The following PARD3B variants were observed in gnomAD, a reference collection of about 807,000 sequenced individuals.
PARD3B encodes the protein partitioning defective 3 homolog B.
A neutral mutation model predicts 130.2 loss-of-function variants in PARD3B; 103 were observed. That is an observed-to-expected ratio of 0.79 (90% CI 0.67 to 0.93). PARD3B has a LOEUF of 0.93. PARD3B is among the 40% of genes least tolerant of loss of function. The pLI is 0.00. For missense variants in PARD3B, 1,609 were observed against 1,499.2 expected, an observed-to-expected ratio of 1.07 and a Z score of -1.21; for synonymous variants, 583 against 553.2, an observed-to-expected ratio of 1.05 and a Z score of -0.76.
intron 2 of PARD3B, among the ~76,000 whole-genome samples, chr2:204,847,786 T>A (rs923941107): frequency 2.2e-4 from 33 of 152,200 alleles, no homozygotes; most frequent in Middle Eastern, 6.8e-3. Flanking sequence ...TGCTAAAGAG[T>A]CATTGTCAAG....
intron 15 of PARD3B, among the ~76,000 whole-genome samples, chr2:205,207,513 C>T (rs1420184003): frequency 2.1e-5 from 3 of 142,778 alleles, no homozygotes; most frequent in East Asian, 2.0e-4. Context: ...CAAATAGATG[C>T]GATAAAAAAT....
chr2:205,322,874 T>A, intron 18 of PARD3B, among the ~76,000 whole-genome samples: 1 of 144,562 alleles, frequency 6.9e-6, no homozygotes, highest in Non-Finnish European at 1.5e-5. Flanking sequence ...TGTTGTTATA[T>A]CATTATTAAC....
At chr2:205,401,226 AG>A in intron 19 of PARD3B, 103 bp downstream of exon 19, 1 of 911,904 alleles carries the variant, frequency 1.1e-6, no homozygotes, top group Non-Finnish European at 1.7e-6. Context: ...TAAGAAGTAT[AG>A]GGGTTGACCG....
At chr2:204,740,746 A>G (rs1324357991) in intron 2 of PARD3B, among the ~76,000 whole-genome samples, 1 of 152,216 alleles carries the variant, frequency 6.6e-6, no homozygotes, top group East Asian at 1.9e-4. Context: ...TCCTCAGAGC[A>G]TGGTGACACC....
rs1235860625 is a variant in PARD3B, at chr2:205,349,574, AGGAAGTAGT to A, written c.2630+47876_2630+47884del. Reference sequence around the variant, plus strand: ...TTAAACTAAATTTAAAAAATAAAAAAGGAAGTAGTGGTTATTAATTATTTATTTGCATTT... The same window carrying A: ...TTAAACTAAATTTAAAAAATAAAAAAGGTTATTAATTATTTATTTGCATTT... On this transcript the variant is annotated intron_variant, in intron 18 of 22. Coordinates refer to ENST00000406610, the MANE Select transcript of PARD3B (RefSeq NM_001302769.2). 2.6e-5 allele frequency among the ~76,000 whole-genome samples: 4 copies of A among 152,204 alleles called. 1 individual carries two copies. The highest frequency in any genetic ancestry group is 9.6e-5 in the African/African-American group (4 of 41,462).
rs75322363 is a variant in PARD3B at position 205,432,534 on chromosome 2, T to C, written c.2742-7836T>C. On this transcript the variant is annotated intron_variant, in intron 19 of 22. Coordinates refer to ENST00000406610, the MANE Select transcript of PARD3B (RefSeq NM_001302769.2). The stretch of plus-strand genomic sequence containing the variant: ...ACATGCCTGCCTCAGGGGCTTTATA[T>C]CTGCTGTCTCTCTACCTGGAACACT... 5.3e-5 allele frequency among the ~76,000 whole-genome samples: 8 copies of C among 152,322 alleles called. No homozygotes were observed. In the East Asian group the frequency reaches 1.5e-3, roughly 29 times the overall value.
At chr2:204,869,954 C>T (rs2045569790) in intron 2 of PARD3B, among the ~76,000 whole-genome samples, 1 of 152,160 alleles carries the variant, frequency 6.6e-6, no homozygotes, top group African/African-American at 2.4e-5. Flanking sequence ...TCTGTTACCT[C>T]AGCCACTGGT....
chr2:205,346,905 C>G (rs965237160), intron 18 of PARD3B, among the ~76,000 whole-genome samples: 1 of 152,106 alleles, frequency 6.6e-6, no homozygotes, highest in African/African-American at 2.4e-5. Flanking sequence ...GCGCCATTAT[C>G]CTAATGGCTA....
chr2:204,846,589 A>T (rs1388720393), intron 2 of PARD3B, among the ~76,000 whole-genome samples: 1 of 151,296 alleles, frequency 6.6e-6, no homozygotes. Flanking sequence ...TTAGTGTCTT[A>T]TAAGAAGAGT....
At chr2:205,553,158 C>CTTGA (rs1166341148) in intron 21 of PARD3B, among the ~76,000 whole-genome samples, 166 bp from the exon 22 acceptor site, 1 of 152,176 alleles carries the variant, frequency 6.6e-6, no homozygotes, top group Non-Finnish European at 1.5e-5. Context: ...ATGTTTGTGG[C>CTTGA]TTGATCATCA....
chr2:204,810,303 G>A (rs2042919434), intron 2 of PARD3B, among the ~76,000 whole-genome samples: 1 of 152,086 alleles, frequency 6.6e-6, no homozygotes, highest in Non-Finnish European at 1.5e-5. Flanking sequence ...TGATAAGATA[G>A]GGCATTCTTG....
At chr2:205,582,943 C>T (rs2054046499) in intron 22 of PARD3B, among the ~76,000 whole-genome samples, 1 of 152,036 alleles carries the variant, frequency 6.6e-6, no homozygotes, top group African/African-American at 2.4e-5. Flanking sequence ...ATTGAACTGG[C>T]CATTCTCAGA....
In PARD3B at chr2:205,590,386, T is replaced by C. The variant is rs1019689294; in HGVS notation, c.3261-25070T>C. 2.0e-5 allele frequency among the ~76,000 whole-genome samples: 3 copies of C among 150,782 alleles called. No individual in the cohort carries two copies. The highest frequency in any genetic ancestry group is 2.0e-4 in the Admixed American group (3 of 15,152). ...CCACAGCATCAGGCTTACTTCCCCC[T>C]CTTCTCAGCTACTCCACAAAAGAGG... On this transcript the variant is annotated intron_variant, in intron 22 of 22. Coordinates refer to ENST00000406610, the MANE Select transcript of PARD3B (RefSeq NM_001302769.2). This position sits in a 1 kb window ranked among gnomAD's most constrained non-coding sequence, Gnocchi z 4.1.
intron 4 of PARD3B, among the ~76,000 whole-genome samples, chr2:205,065,637 A>G (rs1004719267): frequency 6.6e-6 from 1 of 152,214 alleles, no homozygotes; most frequent in South Asian, 2.1e-4. Context: ...TTCTGGTGGT[A>G]GTAACTGAGT....
chr2:205,093,316 G>T (rs1702218690), intron 4 of PARD3B, among the ~76,000 whole-genome samples: 1 of 152,160 alleles, frequency 6.6e-6, no homozygotes, highest in Non-Finnish European at 1.5e-5. Context: ...CTAAGTGACA[G>T]GGATACCAAG....
At chr2:205,399,814 C>T (rs1203907298) in intron 18 of PARD3B, among the ~76,000 whole-genome samples, 2 of 152,178 alleles carry the variant, frequency 1.3e-5, no homozygotes, top group Admixed American at 1.3e-4. Flanking sequence ...CCAGAGAAAC[C>T]TCCCTTTCTG....
At chr2:205,296,549 C>A (rs768879749) in intron 16 of PARD3B, among the ~76,000 whole-genome samples, 5 of 152,122 alleles carry the variant, frequency 3.3e-5, no homozygotes, top group Non-Finnish European at 7.3e-5. Flanking sequence ...TGGCACCTCT[C>A]CAACTAGGTG....
At position 204,957,371 on chromosome 2, in the gene PARD3B, T is replaced by A. The variant is rs968197598; in HGVS notation, c.223-7781T>A. Among the ~76,000 whole-genome samples, 6 of 152,194 alleles carry A rather than the reference T, an allele frequency of 3.9e-5. No individual in the cohort carries two copies. The East Asian group carries it at 1.2e-3, about 29-fold the overall frequency. On this transcript the variant is annotated intron_variant, in intron 2 of 22. Transcript: ENST00000406610. Reference sequence around the variant, plus strand: ...TAAAAAGTGATAAGGATAAATAGGGTTTTCAGTACAGTTGAATAAGTCATG... The same window carrying A: ...TAAAAAGTGATAAGGATAAATAGGGATTTCAGTACAGTTGAATAAGTCATG...
intron 21 of PARD3B, among the ~76,000 whole-genome samples, chr2:205,518,275 A>G (rs577686112): frequency 2.2e-4 from 33 of 152,178 alleles, no homozygotes; most frequent in African/African-American, 7.7e-4. Context: ...TACTGGGTTT[A>G]TATATATTTA....
Sources: allele counts gnomAD v4.1 joint callset (sites outside exome capture counted in the v4.1 genomes callset), GRCh38; gene constraint gnomAD v4.1.1; non-coding constraint Gnocchi (gnomAD v3.1); transcripts MANE v1.5; gene names NCBI Gene and HGNC (gene_info 2026-07-23, HGNC 2026-07-21).